The following NEDD9 variants were observed in gnomAD, a reference collection of about 807,000 sequenced individuals.
NEDD9 encodes neural precursor cell expressed, developmentally down-regulated 9.
In NEDD9, 26 loss-of-function variants were observed where a neutral mutation model predicts 76.6. That is an observed-to-expected ratio of 0.34 (90% CI 0.25 to 0.47). The LOEUF is 0.47. Among genes scored for constraint, NEDD9 ranks in the 20% least tolerant of loss-of-function variants. The pLI is 1.00. For synonymous variants in NEDD9, 392 were observed against 414.2 expected (o/e 0.95, Z 0.65); for missense variants, 937 against 1,058.5 (o/e 0.89, Z 1.59).
At chr6:11,317,785 A>T (rs1761620593) in intron 2 of NEDD9, among the ~76,000 whole-genome samples, 1 of 152,170 alleles carries the variant, frequency 6.6e-6, no homozygotes, top group South Asian at 2.1e-4. Flanking sequence ...CGTGATAGTT[A>T]ATTCTATGCG....
Position 11,299,837 on chromosome 6 carries a change from C to T in NEDD9, c.12+6155G>A, listed in dbSNP as rs562899921. On this transcript the variant is annotated intron_variant, in intron 3 of 3. Coordinates refer to the NEDD9 transcript ENST00000397378. ...ACATCAACAAAAAGGACATCCACAC[C>T]GAAACTCCATCTGTAGGTCACCAAT... 2.8e-4 allele frequency among the ~76,000 whole-genome samples: 43 copies of T among 152,206 alleles called. No homozygotes were observed. In the East Asian group the frequency reaches 2.9e-3, roughly 10 times the overall value.
intron 1 of NEDD9, chr6:11,352,329 C>G (rs769290920): frequency 1.3e-5 from 2 of 151,992 alleles, no homozygotes; most frequent in Admixed American, 1.3e-4. Context: ...CCCACTTGAT[C>G]TGCTGTTTCA....
intron 1 of NEDD9, among the ~76,000 whole-genome samples, chr6:11,229,387 T>G (rs1357224576): frequency 6.6e-6 from 1 of 150,982 alleles, no homozygotes; most frequent in Non-Finnish European, 1.5e-5. Flanking sequence ...GGGCTGGGCC[T>G]GAGGTGGGCG....
intron 1 of NEDD9, among the ~76,000 whole-genome samples, chr6:11,371,712 C>T (rs1046659153): frequency 1.3e-5 from 2 of 152,202 alleles, no homozygotes; most frequent in Admixed American, 6.5e-5. Flanking sequence ...GAATTCCCCT[C>T]TTTGAGGTAC....
chr6:11,217,524 G>T (rs1758990737), intron 1 of NEDD9, among the ~76,000 whole-genome samples: 2 of 152,250 alleles, frequency 1.3e-5, no homozygotes, highest in South Asian at 4.1e-4. Flanking sequence ...AAGGCTGGCA[G>T]TTAGCAGTGC....
chr6:11,188,846 A>G (rs1198495541), intron 5 of NEDD9, among the ~76,000 whole-genome samples: 3 of 152,186 alleles, frequency 2.0e-5, no homozygotes, highest in African/African-American at 7.2e-5. Flanking sequence ...AATTTGGCAT[A>G]ATAGTTACGT....
At chr6:11,192,129 G>A (rs963585659) in intron 4 of NEDD9, among the ~76,000 whole-genome samples, 2 of 152,120 alleles carry the variant, frequency 1.3e-5, no homozygotes, top group African/African-American at 4.8e-5. Flanking sequence ...TTTAGTTGGG[G>A]CTTCTCAATA....
chr6:11,320,442 G>A (rs1761768849), intron 2 of NEDD9, among the ~76,000 whole-genome samples: 1 of 152,090 alleles, frequency 6.6e-6, no homozygotes, highest in Admixed American at 6.6e-5. Context: ...CACTATTGGT[G>A]GAAGAGAGGT....
At chr6:11,372,355 T>C (rs188389275) in intron 1 of NEDD9, among the ~76,000 whole-genome samples, 49 of 152,374 alleles carry the variant, frequency 3.2e-4, no homozygotes, top group African/African-American at 1.1e-3. Flanking sequence ...GGGTGAATAG[T>C]ACTCCATTGT....
chr6:11,351,879 T>A (rs1161919098), intron 1 of NEDD9, among the ~76,000 whole-genome samples: 1 of 152,250 alleles, frequency 6.6e-6, no homozygotes, highest in East Asian at 1.9e-4. Flanking sequence ...AATCTAGCAG[T>A]GGGTGAAGAC....
chr6:11,200,286 A>G (rs527282366), intron 2 of NEDD9: 2 of 458,264 alleles, frequency 4.4e-6, no homozygotes, highest in South Asian at 1.5e-5. Context: ...CACAGGCTGA[A>G]GACATCAGGG....
chr6:11,356,735 C>T (rs527835504), intron 1 of NEDD9, among the ~76,000 whole-genome samples: 26 of 148,132 alleles, frequency 1.8e-4, no homozygotes, highest in Non-Finnish European at 3.6e-4. Context: ...CCACCCCCCC[C>T]ACCCTTTCCC....
At chr6:11,333,823 C>A (rs1457323741) in intron 2 of NEDD9, among the ~76,000 whole-genome samples, 1 of 152,242 alleles carries the variant, frequency 6.6e-6, no homozygotes, top group Non-Finnish European at 1.5e-5. Flanking sequence ...GGGGCTGTGT[C>A]TGCATGCCCT....
chr6:11,305,890 G>T, intron 3 of NEDD9: 1 of 1,395,950 alleles, frequency 7.2e-7, no homozygotes, highest in South Asian at 1.2e-5. Context: ...AGGCCCGTAT[G>T]ACAAAAAAAC....
chr6:11,368,640 G>T (rs2113566071), intron 1 of NEDD9, among the ~76,000 whole-genome samples: 1 of 152,310 alleles, frequency 6.6e-6, no homozygotes, highest in African/African-American at 2.4e-5. Context: ...TCATTTGAGT[G>T]CTTGTACATA....
chr6:11,216,530 T>A (rs142622214), intron 1 of NEDD9, among the ~76,000 whole-genome samples: 30 of 152,376 alleles, frequency 2.0e-4, no homozygotes, highest in African/African-American at 6.5e-4. Flanking sequence ...AACTTTAAGC[T>A]ACCTTAGCTC....
intron 1 of NEDD9, among the ~76,000 whole-genome samples, chr6:11,222,652 A>G (rs1759179543): frequency 6.6e-6 from 1 of 152,264 alleles, no homozygotes; most frequent in Non-Finnish European, 1.5e-5. Context: ...ATGATGAGGT[A>G]CATATTGTAG....
intron 3 of NEDD9, among the ~76,000 whole-genome samples, chr6:11,242,117 A>G (rs1759720299): frequency 6.6e-6 from 1 of 152,170 alleles, no homozygotes; most frequent in African/African-American, 2.4e-5. Flanking sequence ...ACCAGTGTCC[A>G]CCCTTGACTT....
chr6:11,313,214 TGATGGATG>T (rs149380871), intron 2 of NEDD9, among the ~76,000 whole-genome samples: 1 of 151,774 alleles, frequency 6.6e-6, no homozygotes, highest in Non-Finnish European at 1.5e-5. Context: ...GGTAGATATA[TGATGGATG>T]GATGGATGGA....
Sources: gnomAD v4.1 joint callset for allele counts (sites outside exome capture counted in the v4.1 genomes callset) on GRCh38, gnomAD v4.1.1 for gene constraint, MANE v1.5 for transcripts, NCBI Gene and HGNC (gene_info 2026-07-23, HGNC 2026-07-21) for gene names.